The following EPG5 variants were observed in gnomAD, a reference collection of about 807,000 sequenced individuals.
EPG5 encodes ectopic P granules protein 5 homolog.
EPG5 carries 159 observed loss-of-function variants against 302.7 expected under a neutral mutation model. The observed-to-expected ratio is 0.53, with a 90% CI of 0.46 to 0.60. The LOEUF (loss-of-function observed/expected upper bound fraction) is 0.60, where lower values mean the gene tolerates loss of function less well. Among genes scored for constraint, EPG5 ranks in the 20% least tolerant of loss-of-function variants. The pLI, the probability that EPG5 is intolerant of heterozygous loss-of-function variation, is 0.00. For synonymous variants in EPG5, 1,158 were observed against 1,136.8 expected, an observed-to-expected ratio of 1.02 and a Z score of -0.37; for missense variants, 2,896 against 3,092.4, an observed-to-expected ratio of 0.94 and a Z score of 1.51.
At position 45,952,734 on chromosome 18, in the gene EPG5, T is replaced by C. The variant is rs1292293809; in HGVS notation, c.1009-91A>G. The C allele has an allele frequency of 4.5e-6, 6 of 1,344,706 alleles. No homozygotes were observed. The East Asian group carries it at 1.4e-4, about 31-fold the overall frequency. 83.3% of individuals were successfully genotyped at this position (1,344,706 alleles called of 1,614,324 possible). A position where few individuals can be genotyped will look rare whatever the true frequency, so the allele number is the denominator to read the frequency against. The stretch of plus-strand genomic sequence containing the variant: ...CAAGTATAAGGTACACAGGCTTCAG[T>C]ACCATCTTCAAAGAGCTTATAATCA... On this transcript the variant is annotated intron_variant, in intron 2 of 43. Transcript: ENST00000282041.
chr18:45,878,491 T>G, intron 33 of EPG5, 43 bp from the exon 34 acceptor site: 1 of 1,271,948 alleles, frequency 7.9e-7, no homozygotes, highest in Non-Finnish European at 1.1e-6. Flanking sequence ...CATTTGTCAT[T>G]TGTCAATATC....
chr18:45,933,974 C>T (rs28757795), intron 11 of EPG5, among the ~76,000 whole-genome samples: 4,939 of 151,776 alleles, frequency 0.033, 236 homozygotes, highest in African/African-American at 0.11. Context: ...TTTTTCATTT[C>T]GAACATTATA....
At chr18:45,937,275 CACATAT>C (rs2050554258) in intron 10 of EPG5, among the ~76,000 whole-genome samples, 1 of 138,846 alleles carries the variant, frequency 7.2e-6, no homozygotes, top group African/African-American at 2.9e-5. Context: ...CACACACACA[CACATAT>C]GTATACACAC....
At chr18:45,932,096 T>C (rs1053970738) in intron 11 of EPG5, among the ~76,000 whole-genome samples, 1 of 151,928 alleles carries the variant, frequency 6.6e-6, no homozygotes, top group African/African-American at 2.4e-5. Flanking sequence ...ATAATGAAAA[T>C]TGGCATGATC....
the EPG5 span, chr18:45,838,684 C>T: frequency 6.5e-7 from 1 of 1,527,196 alleles, no homozygotes; most frequent in Non-Finnish European, 8.7e-7. Flanking sequence ...GGGAGGGGTG[C>T]CCTTGTGACA....
chr18:45,870,599 G>A lies in EPG5; in HGVS notation c.6193C>T (p.Pro2065Ser), dbSNP rs1410349699. Residue 2065 changes from proline (P) to serine (S), a missense_variant, in exon 36 of 44, where the codon CCT (proline) becomes TCT (serine). Transcript: ENST00000282041. ...YRKLPWKDLH[P>S]DQMLMEAFFK... is the part of the protein sequence containing the mutation. Reference sequence around the variant, plus strand: ...AAGGCCTCCATGAGCATCTGGTCAGGGTGCAGGTCCTTCCATGGCAGTTTC... The same window carrying A: ...AAGGCCTCCATGAGCATCTGGTCAGAGTGCAGGTCCTTCCATGGCAGTTTC... 15 of 1,613,852 alleles carry A rather than the reference G, an allele frequency of 9.3e-6. No individual in the cohort carries two copies. The highest frequency in any genetic ancestry group is 2.7e-5 in the African/African-American group (2 of 74,898).
At chr18:45,852,766 G>A (rs1013415013) in intron 43 of EPG5, 117 bp from the exon 44 acceptor site, 44 of 938,238 alleles carry the variant, frequency 4.7e-5, no homozygotes, top group Admixed American at 9.0e-5. Context: ...TGGGAAGGAG[G>A]CCTACAGAAC....
chr18:45,919,803 C>T (rs1296431431), intron 16 of EPG5, among the ~76,000 whole-genome samples: 1 of 152,128 alleles, frequency 6.6e-6, no homozygotes, highest in Non-Finnish European at 1.5e-5. Context: ...TGAGCCACTG[C>T]ACCCGGCCTA....
At chr18:45,891,409 G>C (rs2049343482) in intron 27 of EPG5, among the ~76,000 whole-genome samples, 1 of 148,534 alleles carries the variant, frequency 6.7e-6, no homozygotes, top group Non-Finnish European at 1.5e-5. Flanking sequence ...TGAGGCAGGA[G>C]AATTGCTTGA....
At chr18:45,836,525 A>G in the EPG5 span, among the ~76,000 whole-genome samples, 40 of 152,040 alleles carry the variant, frequency 2.6e-4, no homozygotes, top group Admixed American at 5.9e-4. Flanking sequence ...GCAACCACAC[A>G]CACCCTGCAG....
the EPG5 span, chr18:45,829,023 AGGG>A: frequency 1.1e-6 from 1 of 899,744 alleles, no homozygotes; most frequent in South Asian, 5.1e-5. Context: ...TGGGGCGGGA[AGGG>A]GAGGAGTGAA....
chr18:45,821,162 T>C, the EPG5 span, among the ~76,000 whole-genome samples: 20 of 152,258 alleles, frequency 1.3e-4, no homozygotes, highest in Admixed American at 1.1e-3. Context: ...GGTTTTCTTG[T>C]TGATGACTAT....
downstream of EPG5, among the ~76,000 whole-genome samples, chr18:45,846,553 C>T (rs2048366239): frequency 2.2e-5 from 3 of 137,390 alleles, no homozygotes; most frequent in Admixed American, 7.2e-5. Context: ...AAAAAGATCT[C>T]GGGGGTTCTA....
At chr18:45,895,588 T>C (rs1358444500) in intron 27 of EPG5, among the ~76,000 whole-genome samples, 1 of 152,176 alleles carries the variant, frequency 6.6e-6, no homozygotes, top group Non-Finnish European at 1.5e-5. Context: ...ACTAGCAATT[T>C]AAGGGTTTGA....
rs543245605 is a variant in EPG5, at chr18:45,967,329, T to G, written c.-90A>C. The G allele has an allele frequency of 3.1e-6, 4 of 1,281,260 alleles. No individual in the cohort carries two copies. In the East Asian group the frequency reaches 1.1e-4, roughly 35 times the overall value. 79.4% of individuals were successfully genotyped at this position (1,281,260 alleles called of 1,614,324 possible). On this transcript the variant is annotated 5_prime_UTR_variant, in exon 1 of 44. It removes an upstream start codon present in the reference 5' UTR. Coordinates refer to ENST00000282041, the MANE Select transcript of EPG5 (RefSeq NM_020964.3). ...CGGTTCTGGCCTCCGGACTGTCACATGATCGAATCTCCGCCACTCCCGGAG... is the reference window on the plus strand; with the variant it reads ...CGGTTCTGGCCTCCGGACTGTCACAGGATCGAATCTCCGCCACTCCCGGAG...
At chr18:45,826,347 T>TCAATACCA in the EPG5 span, among the ~76,000 whole-genome samples, 11 of 152,092 alleles carry the variant, frequency 7.2e-5, no homozygotes, top group African/African-American at 2.7e-4. Flanking sequence ...GGTGACTTGG[T>TCAATACCA]ATCCTGGGAA....
the EPG5 span, chr18:45,838,833 G>A: frequency 3.8e-6 from 6 of 1,567,800 alleles, no homozygotes; most frequent in Non-Finnish European, 3.4e-6. Flanking sequence ...GCCCGGCCCT[G>A]GGCAACAGCT....
rs563721463 is a variant in EPG5 at position 45,855,554 on chromosome 18, C to T, written c.7557+19G>A. 2.4e-5 allele frequency: 39 copies of T among 1,595,196 alleles called. No homozygotes were observed. In the South Asian group the frequency reaches 4.2e-4, roughly 17 times the overall value. On this transcript the variant is annotated intron_variant, in intron 43 of 43. Coordinates refer to ENST00000282041, the MANE Select transcript of EPG5 (RefSeq NM_020964.3). ...AAGATGTGCAGGCAAACTTCTAACCCTTCATTGTATATACTGACCTGCTGA... is the reference window on the plus strand; with the variant it reads ...AAGATGTGCAGGCAAACTTCTAACCTTTCATTGTATATACTGACCTGCTGA...
chr18:45,903,430 A>C (rs1422843106), intron 25 of EPG5, among the ~76,000 whole-genome samples: 1 of 152,156 alleles, frequency 6.6e-6, no homozygotes, highest in Non-Finnish European at 1.5e-5. Flanking sequence ...GGCAAGCTGG[A>C]ATAAGAAGGT....
Sources: gnomAD v4.1 joint callset for allele counts (sites outside exome capture counted in the v4.1 genomes callset) on GRCh38, gnomAD v4.1.1 for gene constraint, MANE v1.5 for transcripts, NCBI Gene and HGNC (gene_info 2026-07-23, HGNC 2026-07-21) for gene names.